SND1: variants seen among roughly 807,000 people sequenced by gnomAD.
SND1 encodes the protein staphylococcal nuclease and tudor domain containing 1.
In SND1, 38 loss-of-function variants were observed where a neutral mutation model predicts 121.7. The observed-to-expected ratio is 0.31, with a 90% CI of 0.24 to 0.41. SND1 has a LOEUF of 0.41. Ranked by LOEUF, SND1 falls within the 10% of genes least tolerant of loss-of-function variation. The probability of loss-of-function intolerance (pLI) is 1.00; values close to 1 mark genes in which losing one functional copy is unlikely to be tolerated. For synonymous variants in SND1, 401 were observed against 447.4 expected, an observed-to-expected ratio of 0.90 and a Z score of 1.31; for missense variants, 868 against 1,184.6, an observed-to-expected ratio of 0.73 and a Z score of 3.92.
intron 12 of SND1, among the ~76,000 whole-genome samples, chr7:127,874,121 A>G (rs1050227644): frequency 6.6e-6 from 1 of 152,072 alleles, no homozygotes; most frequent in Non-Finnish European, 1.5e-5. Context: ...TCTTCCCTCT[A>G]TTTTGTATTA....
At chr7:128,040,213 G>A (rs1455525384) in intron 16 of SND1, among the ~76,000 whole-genome samples, 1 of 151,932 alleles carries the variant, frequency 6.6e-6, no homozygotes. Flanking sequence ...TTGCCTGGAT[G>A]GAAGATATTT....
Position 127,764,045 on chromosome 7 carries a change from A to AAAAAAAC in SND1, c.1152+42651_1152+42652insCAAAAAA, listed in dbSNP as rs1563004778. On this transcript the variant is annotated intron_variant, in intron 10 of 23. Transcript: ENST00000354725. Reference sequence around the variant, plus strand: ...CAGAGCAAGACCCTGTCGCAAAAAAAAAAAAAACAAAAAAACAAAAAAACA... The same window carrying AAAAAAAC: ...CAGAGCAAGACCCTGTCGCAAAAAAAAAAAAACAAAAAAACAAAAAAACAAAAAAACA... Among the ~76,000 whole-genome samples the AAAAAAAC allele has an allele frequency of 9.6e-5, 14 of 146,442 alleles. 1 individual carries two copies. The highest frequency in any genetic ancestry group is 3.5e-4 in the African/African-American group (14 of 40,364).
intron 14 of SND1, among the ~76,000 whole-genome samples, chr7:127,926,211 A>G (rs1800829170): frequency 1.3e-5 from 2 of 152,166 alleles, no homozygotes; most frequent in South Asian, 4.1e-4. Context: ...AATGTTTGAA[A>G]AGGAACATGC....
At chr7:127,888,974 C>G (rs1584643753) in intron 13 of SND1, among the ~76,000 whole-genome samples, 1 of 152,156 alleles carries the variant, frequency 6.6e-6, no homozygotes, top group Non-Finnish European at 1.5e-5. Flanking sequence ...TAACATTGCC[C>G]TGATATGTGA....
intron 15 of SND1, among the ~76,000 whole-genome samples, chr7:127,947,350 A>T (rs1313206360): frequency 2.0e-5 from 3 of 152,208 alleles, no homozygotes; most frequent in Admixed American, 2.0e-4. Context: ...CTGCCCCTAG[A>T]TATGCCAGGA....
intron 12 of SND1, among the ~76,000 whole-genome samples, chr7:127,853,062 C>T (rs963178920): frequency 6.6e-6 from 1 of 152,132 alleles, no homozygotes; most frequent in African/African-American, 2.4e-5. Flanking sequence ...CAGGTAGTAT[C>T]AGAGGCAGGC....
At chr7:128,086,104 C>T (rs922915736) in intron 20 of SND1, among the ~76,000 whole-genome samples, 1 of 152,246 alleles carries the variant, frequency 6.6e-6, no homozygotes, top group African/African-American at 2.4e-5. Flanking sequence ...TTTACACCCA[C>T]AGTTCCTGGT....
intron 10 of SND1, among the ~76,000 whole-genome samples, chr7:127,744,266 T>C (rs2116442125): frequency 6.6e-6 from 1 of 152,274 alleles, no homozygotes; most frequent in Middle Eastern, 3.4e-3. Context: ...GTTTCTTCCA[T>C]GTTCTTTTCA....
intron 12 of SND1, among the ~76,000 whole-genome samples, chr7:127,856,190 A>G (rs1584620902): frequency 6.6e-6 from 1 of 152,226 alleles, no homozygotes; most frequent in Non-Finnish European, 1.5e-5. Context: ...CATATTTACC[A>G]TTTAGTAGGC....
At chr7:127,806,309 T>C (rs1382805524) in intron 10 of SND1, among the ~76,000 whole-genome samples, 1 of 152,182 alleles carries the variant, frequency 6.6e-6, no homozygotes, top group Admixed American at 6.5e-5. Flanking sequence ...GTTCTCATCA[T>C]CTCTCGGGCT....
intron 1 of SND1, among the ~76,000 whole-genome samples, chr7:127,668,586 A>G (rs2116256119): frequency 6.6e-6 from 1 of 152,348 alleles, no homozygotes; most frequent in South Asian, 2.1e-4. Flanking sequence ...CTGCATATCA[A>G]GTACAGTGGT....
chr7:128,053,680 G>A (rs1174154485), intron 16 of SND1, among the ~76,000 whole-genome samples: 1 of 151,956 alleles, frequency 6.6e-6, no homozygotes, highest in East Asian at 1.9e-4. Flanking sequence ...CACAAGCAGA[G>A]GATGGGGATC....
At chr7:127,719,071 T>G (rs1181073309) in intron 9 of SND1, among the ~76,000 whole-genome samples, 2 of 152,128 alleles carry the variant, frequency 1.3e-5, no homozygotes, top group Non-Finnish European at 2.9e-5. Context: ...TTAGTGGAAT[T>G]TTTTTTCTTT....
intron 1 of SND1, among the ~76,000 whole-genome samples, chr7:127,675,741 A>G (rs1795604182): frequency 6.6e-6 from 1 of 152,176 alleles, no homozygotes; most frequent in African/African-American, 2.4e-5. Context: ...TCCTCTGATA[A>G]GTTAACACAT....
chr7:127,719,682 T>C (rs1796456014), intron 9 of SND1, among the ~76,000 whole-genome samples: 1 of 152,178 alleles, frequency 6.6e-6, no homozygotes, highest in South Asian at 2.1e-4. Context: ...TAGTAGAAAA[T>C]TAAAAATTTC....
intron 10 of SND1, among the ~76,000 whole-genome samples, chr7:127,771,435 GTCTA>G (rs1240872428): frequency 2.0e-5 from 3 of 152,144 alleles, no homozygotes; most frequent in African/African-American, 7.2e-5. Flanking sequence ...ACTCATTGAG[GTCTA>G]CTTGCAGGTA....
At chr7:128,003,256 A>T (rs1802880566) in intron 16 of SND1, among the ~76,000 whole-genome samples, 1 of 152,186 alleles carries the variant, frequency 6.6e-6, no homozygotes, top group Non-Finnish European at 1.5e-5. Flanking sequence ...TCTAGGTGTT[A>T]AACAAGACTG....
At chr7:128,018,018 G>GT (rs1803263627) in intron 16 of SND1, among the ~76,000 whole-genome samples, 1 of 152,190 alleles carries the variant, frequency 6.6e-6, no homozygotes, top group Non-Finnish European at 1.5e-5. Context: ...GCACTCTAGA[G>GT]TATCACCCGG....
At chr7:128,068,489 G>A (rs1300732645) in intron 16 of SND1, among the ~76,000 whole-genome samples, 4 of 152,318 alleles carry the variant, frequency 2.6e-5, no homozygotes, top group Admixed American at 1.3e-4. Flanking sequence ...CTGTTTGACT[G>A]AAGTAGTTTC....
Sources: allele counts gnomAD v4.1 joint callset (sites outside exome capture counted in the v4.1 genomes callset), GRCh38; gene constraint gnomAD v4.1.1; transcripts MANE v1.5; gene names NCBI Gene and HGNC (gene_info 2026-07-23, HGNC 2026-07-21).